Variants in NCKAP5 observed in about 807,000 individuals in gnomAD.
NCKAP5 encodes the protein nck-associated protein 5.
NCKAP5 carries 92 observed loss-of-function variants against 167.0 expected under a neutral mutation model. The ratio of observed to expected loss-of-function variants is 0.55; its 90% CI spans 0.47 to 0.66. The LOEUF (loss-of-function observed/expected upper bound fraction) is 0.66, where lower values mean the gene tolerates loss of function less well. Ranked by LOEUF, NCKAP5 falls within the 30% of genes least tolerant of loss-of-function variation. The pLI is 0.00. For missense variants in NCKAP5, 2,378 were observed against 2,315.0 expected (o/e 1.03, Z -0.56); for synonymous variants, 891 against 877.4 (o/e 1.02, Z -0.27).
chr2:133,389,940 C>T (rs1360812823), intron 3 of NCKAP5, among the ~76,000 whole-genome samples: 2 of 152,138 alleles, frequency 1.3e-5, no homozygotes, highest in East Asian at 3.9e-4. Flanking sequence ...AGCTTCCAGG[C>T]CACCTAAGTA....
chr2:132,704,053 G>A (rs1423009792), intron 19 of NCKAP5, among the ~76,000 whole-genome samples: 1 of 152,088 alleles, frequency 6.6e-6, no homozygotes, highest in Non-Finnish European at 1.5e-5. Flanking sequence ...CCTTCCCAGT[G>A]CTCTTGAAAC....
At chr2:133,139,887 A>G (rs997870029) in intron 5 of NCKAP5, among the ~76,000 whole-genome samples, 4 of 152,228 alleles carry the variant, frequency 2.6e-5, no homozygotes, top group African/African-American at 9.6e-5. Context: ...CAAGACATTG[A>G]GTAATAACCC....
chr2:132,699,015 C>T (rs1687611049), intron 19 of NCKAP5, among the ~76,000 whole-genome samples: 3 of 152,160 alleles, frequency 2.0e-5, no homozygotes, highest in African/African-American at 2.4e-5. Flanking sequence ...ACAATATACA[C>T]AAAGGGCTTG....
intron 6 of NCKAP5, among the ~76,000 whole-genome samples, chr2:133,124,906 C>T (rs1356597307): frequency 2.0e-5 from 3 of 152,044 alleles, no homozygotes; most frequent in African/African-American, 7.2e-5. Context: ...ATTAGCCAGG[C>T]GTGGTGACAC....
chr2:133,388,948 G>A (rs1297931362), intron 3 of NCKAP5, among the ~76,000 whole-genome samples: 1 of 152,222 alleles, frequency 6.6e-6, no homozygotes, highest in Non-Finnish European at 1.5e-5. Flanking sequence ...GCTTTGCCTG[G>A]CTATGAAAGG....
intron 6 of NCKAP5, among the ~76,000 whole-genome samples, chr2:133,015,435 T>C (rs1005380620): frequency 6.6e-6 from 1 of 152,134 alleles, no homozygotes; most frequent in East Asian, 1.9e-4. Context: ...GAAGAATAAA[T>C]ATAACTCATG....
intron 5 of NCKAP5, among the ~76,000 whole-genome samples, chr2:133,209,524 G>A (rs1421545864): frequency 6.6e-6 from 1 of 151,556 alleles, no homozygotes; most frequent in Non-Finnish European, 1.5e-5. Flanking sequence ...TACTGGTGGG[G>A]ATGGACTTTG....
At chr2:132,861,499 A>G (rs1431808228) in intron 10 of NCKAP5, among the ~76,000 whole-genome samples, 1 of 104,348 alleles carries the variant, frequency 9.6e-6, no homozygotes, top group Non-Finnish European at 1.8e-5. Context: ...TCCTGATGTT[A>G]ATAAAAAAAA....
intron 16 of NCKAP5, among the ~76,000 whole-genome samples, chr2:132,761,368 A>T (rs1439436651): frequency 6.6e-6 from 1 of 152,170 alleles, no homozygotes. Flanking sequence ...GAAACCAAGA[A>T]AGTCCCAGCA....
chr2:133,543,528 A>G (rs116625374), intron 2 of NCKAP5, among the ~76,000 whole-genome samples: 1 of 152,224 alleles, frequency 6.6e-6, no homozygotes, highest in Non-Finnish European at 1.5e-5. Context: ...CTTCACATCC[A>G]ATAGTATTAT....
intron 6 of NCKAP5, among the ~76,000 whole-genome samples, chr2:133,097,683 C>T (rs187565017): frequency 1.6e-4 from 25 of 152,284 alleles, no homozygotes; most frequent in Admixed American, 3.3e-4. Flanking sequence ...ACAAAGAATA[C>T]GGCAATAATC....
At chr2:133,322,265 T>C (rs1345130956) in intron 3 of NCKAP5, among the ~76,000 whole-genome samples, 1 of 152,162 alleles carries the variant, frequency 6.6e-6, no homozygotes, top group Non-Finnish European at 1.5e-5. Flanking sequence ...ACCGTTAGCC[T>C]AGGAGAATGA....
chr2:133,473,281 G>A (rs552323380), intron 3 of NCKAP5, among the ~76,000 whole-genome samples: 13 of 151,776 alleles, frequency 8.6e-5, no homozygotes, highest in Non-Finnish European at 1.3e-4. Flanking sequence ...GCAGTGAGCC[G>A]AGATCGAGCC....
At chr2:133,123,176 A>C (rs1393742640) in intron 6 of NCKAP5, 1 of 152,380 alleles carries the variant, frequency 6.6e-6, no homozygotes, top group Non-Finnish European at 1.5e-5. Context: ...AAAATTTAAG[A>C]AGAAACATGT....
chr2:133,433,722 A>C (rs915623520), intron 3 of NCKAP5: 1 of 152,224 alleles, frequency 6.6e-6, no homozygotes, highest in Non-Finnish European at 1.5e-5. Flanking sequence ...TGCTCAACAA[A>C]AACACTGATA....
chr2:133,095,571 C>G (rs1242088372), intron 6 of NCKAP5, among the ~76,000 whole-genome samples: 1 of 152,138 alleles, frequency 6.6e-6, no homozygotes, highest in South Asian at 2.1e-4. Flanking sequence ...GGGGTGCAGC[C>G]CCCAGCCAAG....
chr2:133,319,148 T>TCCC (rs373462959), intron 3 of NCKAP5, among the ~76,000 whole-genome samples: 7 of 84,604 alleles, frequency 8.3e-5, no homozygotes, highest in African/African-American at 2.6e-4. Flanking sequence ...GAGCCACCCC[T>TCCC]CCCCCCCCGC....
chr2:133,657,587 T>C, the NCKAP5 span, among the ~76,000 whole-genome samples: 1 of 152,092 alleles, frequency 6.6e-6, no homozygotes, highest in Non-Finnish European at 1.5e-5. Context: ...CAGCCAACAG[T>C]TTGAAGAACA....
At chr2:132,849,126 G>A (rs998074784) in intron 11 of NCKAP5, among the ~76,000 whole-genome samples, 1 of 151,712 alleles carries the variant, frequency 6.6e-6, no homozygotes, top group Non-Finnish European at 1.5e-5. Context: ...TAATAGACAG[G>A]CTTCGCAGGG....
Sources: gnomAD v4.1 joint callset for allele counts (sites outside exome capture counted in the v4.1 genomes callset) on GRCh38, gnomAD v4.1.1 for gene constraint, MANE v1.5 for transcripts, NCBI Gene and HGNC (gene_info 2026-07-23, HGNC 2026-07-21) for gene names.